Variants in SFT2D1 observed in about 807,000 individuals in gnomAD.
The protein encoded by SFT2D1 is vesicle transport protein SFT2A.
In SFT2D1, 24 loss-of-function variants were observed where a neutral mutation model predicts 28.1. That is an observed-to-expected ratio of 0.85 (90% CI 0.62 to 1.20). The LOEUF (loss-of-function observed/expected upper bound fraction) is 1.20, where lower values mean the gene tolerates loss of function less well. Among genes scored for constraint, SFT2D1 ranks in the 50% most tolerant of loss-of-function variants. The pLI, the probability that SFT2D1 is intolerant of heterozygous loss-of-function variation, is 0.00. For missense variants in SFT2D1, 181 were observed against 190.9 expected (o/e 0.95, Z 0.31); for synonymous variants, 82 against 73.7 (o/e 1.11, Z -0.58).
At chr6:166,342,375 C>T in intron 1 of SFT2D1, 44 bp downstream of exon 1, 1 of 1,525,946 alleles carries the variant, frequency 6.6e-7, no homozygotes, top group Non-Finnish European at 8.8e-7. Flanking sequence ...GCGGCCGGGG[C>T]CAGCGGGCAG....
Position 166,329,516 on chromosome 6 carries a change from G to A in SFT2D1, c.224C>T (p.Ala75Val), listed in dbSNP as rs754221433. Residue 75 changes from alanine (A) to valine (V), a missense_variant, in exon 3 of 8, where the codon GCG (alanine) becomes GTG (valine). Transcript: ENST00000361731. ...AVFYTLGNLAALASTCFLMGP... is the reference protein window; with the variant it reads ...AVFYTLGNLAVLASTCFLMGP... ...GAGAAGCCAAACGTACCTGGCTAAC[G>A]CAGCAAGATTGCCGAGGGTATAAAA... 2.3e-5 allele frequency: 37 copies of A among 1,606,888 alleles called. No homozygotes were observed. The highest frequency in any genetic ancestry group is 1.0e-4 in the Admixed American group (6 of 59,836).
At chr6:166,339,100 C>G (rs960494284) in intron 1 of SFT2D1, among the ~76,000 whole-genome samples, 1 of 152,100 alleles carries the variant, frequency 6.6e-6, no homozygotes, top group African/African-American at 2.4e-5. Context: ...CAGGTCTGTG[C>G]GCCTTTAATC....
chr6:166,324,349 G>C (rs982978414), intron 6 of SFT2D1, 188 bp downstream of exon 6: 2 of 522,352 alleles, frequency 3.8e-6, no homozygotes, highest in Admixed American at 3.7e-5. Flanking sequence ...TACTTCTCCC[G>C]AACAGTACCA....
intron 5 of SFT2D1, chr6:166,325,744 T>C (rs979563): frequency 0.034 from 6,469 of 187,806 alleles, 429 homozygotes; most frequent in African/African-American, 0.14. Flanking sequence ...CACACATGTG[T>C]GTTTATTAAT....
chr6:166,329,332 T>C (rs776325307), intron 3 of SFT2D1, among the ~76,000 whole-genome samples, 175 bp downstream of exon 3: 3 of 152,186 alleles, frequency 2.0e-5, no homozygotes, highest in Non-Finnish European at 4.4e-5. Context: ...ATACCGTCTG[T>C]TATGGGAGAC....
intron 7 of SFT2D1, among the ~76,000 whole-genome samples, chr6:166,321,068 G>A (rs911559051): frequency 5.3e-5 from 8 of 151,594 alleles, no homozygotes; most frequent in African/African-American, 9.7e-5. Context: ...CAGAGATCAC[G>A]CCATTGTACT....
At chr6:166,330,711 G>C (rs1242264375) in intron 1 of SFT2D1, among the ~76,000 whole-genome samples, 1 of 152,196 alleles carries the variant, frequency 6.6e-6, no homozygotes, top group Non-Finnish European at 1.5e-5. Flanking sequence ...CAGAGTCTGA[G>C]TGCATCCGAG....
At chr6:166,322,216 C>G (rs1778370275) in intron 7 of SFT2D1, among the ~76,000 whole-genome samples, 1 of 152,090 alleles carries the variant, frequency 6.6e-6, no homozygotes, top group South Asian at 2.1e-4. Context: ...ATTTGTTTTC[C>G]TGGAGTCTCT....
Position 166,324,762 on chromosome 6 carries a change from C to G in SFT2D1, c.352-167G>C, listed in dbSNP as rs1410792046. 4.9e-6 allele frequency: 3 copies of G among 606,674 alleles called. No homozygotes were observed. In the East Asian group the frequency reaches 8.8e-5, roughly 18 times the overall value. 37.6% of individuals were successfully genotyped at this position (606,674 alleles called of 1,614,324 possible). On this transcript the variant is annotated intron_variant, in intron 5 of 7. Transcript: ENST00000361731. ...TACAGTTGATCTGAAACTTTAAAAC[C>G]CAAAAAATACATTTCCTTTCTAAAA...
chr6:166,333,897 TGCCACCAA>T (rs1778596779), intron 1 of SFT2D1, among the ~76,000 whole-genome samples: 1 of 140,416 alleles, frequency 7.1e-6, no homozygotes. Context: ...ACCTTCCTGC[TGCCACCAA>T]ACCACCAAAC....
rs78667938 is a variant in SFT2D1, at chr6:166,328,411, A to G, written c.234-54T>C. On this transcript the variant is annotated intron_variant, in intron 3 of 7. Coordinates refer to ENST00000361731, the MANE Select transcript of SFT2D1 (RefSeq NM_145169.3). ...TACAGGTCTACTAATTTATCTGGTTATGCAAAAATAAACTACTTTTTTAAA... is the reference window on the plus strand; with the variant it reads ...TACAGGTCTACTAATTTATCTGGTTGTGCAAAAATAAACTACTTTTTTAAA... The G allele has an allele frequency of 5.5e-4, 570 of 1,041,492 alleles. 1 individual carries two copies. In the African/African-American group the frequency reaches 8.2e-3, roughly 15 times the overall value. The allele number at this position is 1,041,492 out of a possible 1,614,324, so 64.5% of individuals were successfully genotyped here. A position where few individuals can be genotyped will look rare whatever the true frequency, so the allele number is the denominator to read the frequency against.
chr6:166,335,194 G>A lies in SFT2D1; in HGVS notation c.64-4947C>T. ...TGGAAACTTTGGTGGTGGTTGTGGA[G>A]GTGGTTTTGGTGGGAATGACAACTT... is the stretch of plus-strand genomic sequence containing the variant. On this transcript the variant is annotated intron_variant, in intron 1 of 7. Transcript: ENST00000361731. 4 of 616,636 alleles carry A rather than the reference G, an allele frequency of 6.5e-6. No individual in the cohort carries two copies. In the Admixed American group the frequency reaches 7.4e-5, roughly 11 times the overall value. The allele number at this position is 616,636 out of a possible 1,614,324, so 38.2% of individuals were successfully genotyped here. A position where few individuals can be genotyped will look rare whatever the true frequency, so the allele number is the denominator to read the frequency against.
intron 4 of SFT2D1, among the ~76,000 whole-genome samples, chr6:166,327,255 C>T (rs1778462473): frequency 2.0e-5 from 3 of 152,256 alleles, no homozygotes; most frequent in African/African-American, 7.2e-5. Context: ...ACAAGAGACA[C>T]AGACCAGGTG....
At chr6:166,336,079 G>A (rs562377220) in intron 1 of SFT2D1, among the ~76,000 whole-genome samples, 39 of 152,340 alleles carry the variant, frequency 2.6e-4, no homozygotes, top group Admixed American at 8.5e-4. Flanking sequence ...TCATGAGACT[G>A]AATAAATGTG....
At chr6:166,340,992 T>C (rs1778769010) in intron 1 of SFT2D1, among the ~76,000 whole-genome samples, 1 of 152,214 alleles carries the variant, frequency 6.6e-6, no homozygotes, top group Non-Finnish European at 1.5e-5. Flanking sequence ...CTCCAAAGTT[T>C]AGAGTAGCAC....
At chr6:166,335,051 A>G (rs1562446371) in intron 1 of SFT2D1, 2 of 539,850 alleles carry the variant, frequency 3.7e-6, no homozygotes, top group Non-Finnish European at 7.1e-6. Flanking sequence ...GACGCTGTGG[A>G]CAAGACTGTC....
chr6:166,320,850 G>C (rs547991632), intron 7 of SFT2D1, among the ~76,000 whole-genome samples: 1 of 152,188 alleles, frequency 6.6e-6, no homozygotes, highest in Non-Finnish European at 1.5e-5. Context: ...ACTAGGCCAG[G>C]CAAGGTGGCT....
intron 4 of SFT2D1, among the ~76,000 whole-genome samples, chr6:166,327,433 GTGATGACC>G (rs1391875626): frequency 1.3e-5 from 2 of 152,156 alleles, no homozygotes; most frequent in African/African-American, 4.8e-5. Context: ...GATAATAAGA[GTGATGACC>G]TGAGAGTTGT....
chr6:166,337,672 G>A (rs1412213923), intron 1 of SFT2D1, among the ~76,000 whole-genome samples: 1 of 152,214 alleles, frequency 6.6e-6, no homozygotes, highest in Non-Finnish European at 1.5e-5. Context: ...GAAAGGCAGA[G>A]AGAGCTTAAA....
Sources: allele counts gnomAD v4.1 joint callset (sites outside exome capture counted in the v4.1 genomes callset), GRCh38; gene constraint gnomAD v4.1.1; transcripts MANE v1.5; gene names NCBI Gene and HGNC (gene_info 2026-07-23, HGNC 2026-07-21).